The following MBD5 variants were observed in gnomAD, a reference collection of about 807,000 sequenced individuals.
MBD5 encodes methyl-CpG binding domain protein 5.
In MBD5, 13 loss-of-function variants were observed where a neutral mutation model predicts 117.3. That is an observed-to-expected ratio of 0.11 (90% CI 0.07 to 0.18). The LOEUF (loss-of-function observed/expected upper bound fraction) is 0.18. MBD5 is among the 10% of genes least tolerant of loss of function. MBD5 has a pLI of 1.00. For synonymous variants in MBD5, 727 were observed against 766.4 expected, an observed-to-expected ratio of 0.95 and a Z score of 0.85; for missense variants, 1,879 against 2,093.8, an observed-to-expected ratio of 0.90 and a Z score of 2.00.
At chr2:148,485,676 A>G in intron 9 of MBD5, 66 bp from the exon 10 acceptor site, 2 of 1,223,376 alleles carry the variant, frequency 1.6e-6, no homozygotes, top group Non-Finnish European at 2.4e-6. Flanking sequence ...ATTCTCGGGT[A>G]CAAAGAGAGG....
At chr2:148,118,647 A>T (rs1696696343) in intron 1 of MBD5, among the ~76,000 whole-genome samples, 1 of 151,934 alleles carries the variant, frequency 6.6e-6, no homozygotes, top group African/African-American at 2.4e-5. Context: ...ACCCGTCACA[A>T]AAACTCTGTA....
intron 4 of MBD5, among the ~76,000 whole-genome samples, chr2:148,394,350 T>A (rs1168040080): frequency 1.3e-5 from 2 of 152,168 alleles, no homozygotes; most frequent in African/African-American, 4.8e-5. Flanking sequence ...GGTCTTTGGC[T>A]ATCACTTTAA....
chr2:148,110,395 T>C (rs563786239), intron 1 of MBD5, among the ~76,000 whole-genome samples: 35 of 152,310 alleles, frequency 2.3e-4, no homozygotes, highest in Non-Finnish European at 4.7e-4. Context: ...TAATTCTCTT[T>C]TCAGGTTCTT....
At chr2:148,384,168 A>C (rs1277354373) in intron 4 of MBD5, among the ~76,000 whole-genome samples, 1 of 152,118 alleles carries the variant, frequency 6.6e-6, no homozygotes, top group Non-Finnish European at 1.5e-5. Context: ...AGGAAGTCAA[A>C]TTGTCCCTGT....
chr2:148,114,282 C>A (rs1013101609), intron 1 of MBD5, among the ~76,000 whole-genome samples: 5 of 152,056 alleles, frequency 3.3e-5, no homozygotes, highest in Admixed American at 6.6e-5. Context: ...CCAGCCTGGC[C>A]AACGTGGTGA....
intron 1 of MBD5, among the ~76,000 whole-genome samples, chr2:148,171,002 C>T (rs1371168810): frequency 6.6e-6 from 1 of 152,184 alleles, no homozygotes; most frequent in Admixed American, 6.5e-5. Context: ...CAAAATCTCT[C>T]ATCAAAGAAA....
intron 4 of MBD5, among the ~76,000 whole-genome samples, chr2:148,387,615 G>GA (rs1159431330): frequency 2.6e-5 from 4 of 151,866 alleles, no homozygotes; most frequent in Non-Finnish European, 4.4e-5. Context: ...CATGACAAAT[G>GA]AAAATTAAAT....
chr2:148,085,705 C>G (rs1265776713), intron 1 of MBD5, among the ~76,000 whole-genome samples: 1 of 150,982 alleles, frequency 6.6e-6, no homozygotes, highest in African/African-American at 2.4e-5. Context: ...GCCTGGGCGA[C>G]ATAGCGAGAC....
chr2:148,200,766 C>G (rs1447960449), intron 2 of MBD5, among the ~76,000 whole-genome samples: 1 of 150,852 alleles, frequency 6.6e-6, no homozygotes. Context: ...ATACTGATGA[C>G]TTTTAAAAAT....
Position 148,258,350 on chromosome 2 carries a change from G to A in MBD5, c.-680+24955G>A, listed in dbSNP as rs140249353. Among the ~76,000 whole-genome samples, 517 of 152,200 alleles carry A rather than the reference G, an allele frequency of 3.4e-3. 3 individuals carry two copies. Among genetic ancestry groups the A allele is most frequent in the African/African-American group, 0.012 (500 of 41,522 alleles). On this transcript the variant is annotated intron_variant, in intron 3 of 13. Coordinates refer to ENST00000642680, the MANE Select transcript of MBD5 (RefSeq NM_001378120.1). ...ATACAGGTTTCACTTTCACTGACTC[G>A]CTTTCATAACCCTCAATGTAAGCAG...
chr2:148,150,924 A>G (rs1344316595), intron 1 of MBD5, among the ~76,000 whole-genome samples: 8 of 150,550 alleles, frequency 5.3e-5, no homozygotes, highest in Non-Finnish European at 1.0e-4. Flanking sequence ...CTAATTGAAT[A>G]CCCTTTATTT....
In MBD5 at chr2:148,502,300, A is replaced by G. The variant is rs115609480; in HGVS notation, c.4963-136A>G. 30,910 of 754,496 alleles carry G rather than the reference A, an allele frequency of 0.041. 872 individuals are homozygous for G. The highest frequency in any genetic ancestry group is 0.056 in the Non-Finnish European group (23,660 of 420,392). 46.7% of individuals were successfully genotyped at this position (754,496 alleles called of 1,614,324 possible). On this transcript the variant is annotated intron_variant, in intron 11 of 13. Transcript: ENST00000642680. ...CCTCTAATGATTGAGTGAGGACAGAAGATTTGACAAGGTAGTGAAGGTTAA... is the reference window on the plus strand; with the variant it reads ...CCTCTAATGATTGAGTGAGGACAGAGGATTTGACAAGGTAGTGAAGGTTAA...
chr2:148,374,034 C>G (rs1006216463), intron 4 of MBD5, among the ~76,000 whole-genome samples: 6 of 152,086 alleles, frequency 3.9e-5, no homozygotes, highest in African/African-American at 1.4e-4. Flanking sequence ...ATTAGGGCTG[C>G]TGAACTGATA....
At chr2:148,059,093 A>AC (rs1694954675) in intron 1 of MBD5, among the ~76,000 whole-genome samples, 1 of 152,222 alleles carries the variant, frequency 6.6e-6, no homozygotes, top group South Asian at 2.1e-4. Context: ...CAACAGAACA[A>AC]AGACTTCTAG....
chr2:148,188,467 C>G (rs532874464), intron 2 of MBD5, among the ~76,000 whole-genome samples: 1 of 152,190 alleles, frequency 6.6e-6, no homozygotes, highest in South Asian at 2.1e-4. Context: ...AGGAGGATCA[C>G]TTGAGTCCAG....
chr2:148,059,639 A>C (rs1266013281), intron 1 of MBD5, among the ~76,000 whole-genome samples: 2 of 150,980 alleles, frequency 1.3e-5, no homozygotes, highest in Admixed American at 6.6e-5. Context: ...CGAGGTCAGG[A>C]GATCGAGACC....
chr2:148,146,884 C>T (rs1697481889), intron 1 of MBD5, among the ~76,000 whole-genome samples: 2 of 152,120 alleles, frequency 1.3e-5, no homozygotes, highest in African/African-American at 4.8e-5. Flanking sequence ...TCTGTGACCT[C>T]AAATATGCTG....
At chr2:148,196,328 T>G (rs1296084152) in intron 2 of MBD5, 1 of 152,210 alleles carries the variant, frequency 6.6e-6, no homozygotes, top group African/African-American at 2.4e-5. Context: ...TGCCGTAATC[T>G]GTTATGACTA....
intron 3 of MBD5, among the ~76,000 whole-genome samples, chr2:148,265,926 A>G (rs1409800107): frequency 1.1e-5 from 1 of 94,266 alleles, no homozygotes; most frequent in African/African-American, 3.4e-5. Context: ...CAAGTTCAGG[A>G]AAGAGAAAAA....
Sources: allele counts gnomAD v4.1 joint callset (sites outside exome capture counted in the v4.1 genomes callset), GRCh38; gene constraint gnomAD v4.1.1; transcripts MANE v1.5; gene names NCBI Gene and HGNC (gene_info 2026-07-23, HGNC 2026-07-21).